Variants in TMEFF2 observed in about 807,000 individuals in gnomAD.
The protein encoded by TMEFF2 is transmembrane protein with EGF like and two follistatin like domains 2.
In TMEFF2, 28 loss-of-function variants were observed where a neutral mutation model predicts 53.8. The ratio of observed to expected loss-of-function variants is 0.52; its 90% CI spans 0.39 to 0.71. The LOEUF is 0.71. Ranked by LOEUF, TMEFF2 falls within the 30% of genes least tolerant of loss-of-function variation. The pLI is 0.00. For synonymous variants in TMEFF2, 162 were observed against 166.3 expected (o/e 0.97, Z 0.20); for missense variants, 353 against 455.2 (o/e 0.78, Z 2.04).
chr2:192,075,375 A>C lies in TMEFF2; in HGVS notation c.440-17600T>G, dbSNP rs370352340. Among the ~76,000 whole-genome samples the C allele has an allele frequency of 1.4e-4, 19 of 139,522 alleles. No homozygotes were observed. The East Asian group carries it at 4.1e-3, about 30-fold the overall frequency. 91.5% of individuals were successfully genotyped at this position (139,522 alleles called of 152,430 possible). A position where few individuals can be genotyped will look rare whatever the true frequency, so the allele number is the denominator to read the frequency against. On this transcript the variant is annotated intron_variant, in intron 4 of 9. Transcript: ENST00000272771. ...ATCCTTGCAAAAGTGCTTTCTTTTC[A>C]TGGGGGCCTAATTCTTCCATGTATA... is the stretch of plus-strand genomic sequence containing the variant.
intron 5 of TMEFF2, among the ~76,000 whole-genome samples, chr2:192,040,169 T>C (rs1687436456): frequency 6.6e-6 from 1 of 152,140 alleles, no homozygotes; most frequent in Non-Finnish European, 1.5e-5. Context: ...TTGTCTTTTC[T>C]AACTACACCA....
At chr2:192,075,356 G>T (rs1688409854) in intron 4 of TMEFF2, among the ~76,000 whole-genome samples, 2 of 92,134 alleles carry the variant, frequency 2.2e-5, no homozygotes, top group Admixed American at 1.4e-4. Flanking sequence ...GTATATCCTT[G>T]CAAAAGTGCT....
chr2:192,075,508 A>AT (rs1688413337), intron 4 of TMEFF2, among the ~76,000 whole-genome samples: 1 of 151,196 alleles, frequency 6.6e-6, no homozygotes. Flanking sequence ...CCTACAAAGA[A>AT]TTACCTTCCC....
At chr2:192,064,059 C>A (rs1688111546) in intron 4 of TMEFF2, among the ~76,000 whole-genome samples, 2 of 151,776 alleles carry the variant, frequency 1.3e-5, no homozygotes, top group African/African-American at 2.4e-5. Flanking sequence ...TTTAAGCTCA[C>A]CAACTTGGTA....
chr2:192,145,733 TG>T (rs1690235692), intron 4 of TMEFF2, among the ~76,000 whole-genome samples: 1 of 151,986 alleles, frequency 6.6e-6, no homozygotes. Flanking sequence ...CACGCAGTCT[TG>T]GGAAAGTTAT....
chr2:191,964,310 T>C, intron 7 of TMEFF2, among the ~76,000 whole-genome samples: 1 of 148,074 alleles, frequency 6.8e-6, no homozygotes, highest in Non-Finnish European at 1.5e-5. Context: ...TTTCCTTCTT[T>C]CTTTCCTTCC....
chr2:192,164,978 C>CTGTGTGTGTGTGTGTGTGTG lies in TMEFF2; in HGVS notation c.439+14670_439+14689dup, dbSNP rs71033662. Among the ~76,000 whole-genome samples, 303 of 145,198 alleles carry CTGTGTGTGTGTGTGTGTGTG rather than the reference C, an allele frequency of 2.1e-3. 1 individual carries two copies. Among genetic ancestry groups the CTGTGTGTGTGTGTGTGTGTG allele is most frequent in the Non-Finnish European group, 2.2e-3 (147 of 66,140 alleles). ...GCAGAATGAATACTCTGAATAAAAA[C>CTGTGTGTGTGTGTGTGTGTG]TGTGTGTGTGTGTGTGTGTGTGTGT... On this transcript the variant is annotated intron_variant, in intron 4 of 9. Coordinates refer to ENST00000272771, the MANE Select transcript of TMEFF2 (RefSeq NM_016192.4).
At chr2:192,150,359 T>C (rs970195018) in intron 4 of TMEFF2, among the ~76,000 whole-genome samples, 8 of 151,894 alleles carry the variant, frequency 5.3e-5, no homozygotes, top group African/African-American at 1.9e-4. Context: ...GTGGGGTGTT[T>C]CACAATTCAC....
chr2:191,966,191 G>A (rs941672645), intron 7 of TMEFF2, among the ~76,000 whole-genome samples: 1 of 152,168 alleles, frequency 6.6e-6, no homozygotes, highest in Non-Finnish European at 1.5e-5. Flanking sequence ...TTGTAGGTGA[G>A]GGTGGCATGT....
At chr2:192,147,457 T>C (rs946922664) in intron 4 of TMEFF2, among the ~76,000 whole-genome samples, 1 of 151,924 alleles carries the variant, frequency 6.6e-6, no homozygotes, top group African/African-American at 2.4e-5. Context: ...GTTAGGTATA[T>C]CTCCTAATGC....
rs1691791537 is a variant in TMEFF2, at chr2:191,949,223, A to C, written c.*1088T>G. On this transcript the variant is annotated 3_prime_UTR_variant, in exon 10 of 10. Transcript: ENST00000272771. Reference sequence around the variant, plus strand: ...GTATGCACAAATCAAACAAAAATCCATACCAACTTCCCAGTGAGGTCTTTC... The same window carrying C: ...GTATGCACAAATCAAACAAAAATCCCTACCAACTTCCCAGTGAGGTCTTTC... 1.0e-6 allele frequency: 1 copy of C among 985,312 alleles called. No individual in the cohort carries two copies. The highest frequency in any genetic ancestry group is 4.7e-5 in the South Asian group (1 of 21,296). The allele number at this position is 985,312 out of a possible 1,614,324, so 61.0% of individuals were successfully genotyped here. A position where few individuals can be genotyped will look rare whatever the true frequency, so the allele number is the denominator to read the frequency against.
intron 4 of TMEFF2, among the ~76,000 whole-genome samples, chr2:192,130,911 G>A (rs796891265): frequency 2.0e-5 from 3 of 151,268 alleles, no homozygotes; most frequent in South Asian, 2.1e-4. Context: ...CGCTGGTCAC[G>A]GACTGGGAAG....
At chr2:192,153,762 C>T (rs1047197623) in intron 4 of TMEFF2, among the ~76,000 whole-genome samples, 1 of 151,772 alleles carries the variant, frequency 6.6e-6, no homozygotes, top group African/African-American at 2.4e-5. Flanking sequence ...TGCTGACGTA[C>T]ATTGTAATGC....
At chr2:192,183,563 C>T (rs192644834) in intron 3 of TMEFF2, among the ~76,000 whole-genome samples, 2 of 152,138 alleles carry the variant, frequency 1.3e-5, no homozygotes, top group Non-Finnish European at 2.9e-5. Context: ...TGCTTATTTG[C>T]CATTAAGAAC....
chr2:192,120,299 A>G (rs1389832087), intron 4 of TMEFF2, among the ~76,000 whole-genome samples: 1 of 152,190 alleles, frequency 6.6e-6, no homozygotes, highest in Non-Finnish European at 1.5e-5. Context: ...CAGTTTGTAG[A>G]GGCTGCACAC....
chr2:191,983,163 A>G (rs1282671950), intron 7 of TMEFF2, among the ~76,000 whole-genome samples: 2 of 152,196 alleles, frequency 1.3e-5, no homozygotes, highest in Middle Eastern at 3.2e-3. Flanking sequence ...GTAGATCAGG[A>G]TAATATTACA....
At chr2:191,989,370 G>A (rs961259588) in intron 7 of TMEFF2, among the ~76,000 whole-genome samples, 5 of 152,118 alleles carry the variant, frequency 3.3e-5, no homozygotes, top group Admixed American at 1.3e-4. Flanking sequence ...TTGGGGAGGA[G>A]GTCCTAGCCA....
At chr2:192,112,367 A>AT (rs1689301721) in intron 4 of TMEFF2, among the ~76,000 whole-genome samples, 1 of 152,036 alleles carries the variant, frequency 6.6e-6, no homozygotes, top group Non-Finnish European at 1.5e-5. Context: ...GAGCTTTAAG[A>AT]TTTTACTGCC....
intron 5 of TMEFF2, among the ~76,000 whole-genome samples, chr2:192,007,964 C>T (rs1263947182): frequency 6.6e-6 from 1 of 152,136 alleles, no homozygotes; most frequent in Non-Finnish European, 1.5e-5. Context: ...TTTTCCTGAT[C>T]TGTACTACGT....
Sources: allele counts gnomAD v4.1 joint callset (sites outside exome capture counted in the v4.1 genomes callset), GRCh38; gene constraint gnomAD v4.1.1; transcripts MANE v1.5; gene names NCBI Gene and HGNC (gene_info 2026-07-23, HGNC 2026-07-21).